The following HNF4A variants were observed in gnomAD, a reference collection of about 807,000 sequenced individuals.
The protein encoded by HNF4A is hepatocyte nuclear factor 4-alpha.
HNF4A carries 15 observed loss-of-function variants against 52.4 expected under a neutral mutation model. The observed-to-expected ratio is 0.29, with a 90% CI of 0.19 to 0.44. HNF4A has a LOEUF of 0.44. Among genes scored for constraint, HNF4A ranks in the 20% least tolerant of loss-of-function variants. The probability of loss-of-function intolerance (pLI) is 1.00; values close to 1 mark genes in which losing one functional copy is unlikely to be tolerated. For synonymous variants in HNF4A, 280 were observed against 264.4 expected, an observed-to-expected ratio of 1.06 and a Z score of -0.57; for missense variants, 479 against 647.2, an observed-to-expected ratio of 0.74 and a Z score of 2.82.
upstream of HNF4A, among the ~76,000 whole-genome samples, chr20:44,400,653 A>G (rs904387097): frequency 2.0e-5 from 3 of 152,102 alleles, no homozygotes; most frequent in Admixed American, 6.5e-5. Context: ...GGAGAGGGGC[A>G]GGGTGGGATC....
At chr20:44,363,386 G>C (rs2062937558) in intron 1 of HNF4A, among the ~76,000 whole-genome samples, 2 of 152,122 alleles carry the variant, frequency 1.3e-5, no homozygotes, top group Admixed American at 1.3e-4. Flanking sequence ...CATCATTTTG[G>C]CTGTTGTAGA....
intron 1 of HNF4A, among the ~76,000 whole-genome samples, chr20:44,373,972 G>A (rs1368168809): frequency 6.6e-6 from 1 of 152,180 alleles, no homozygotes; most frequent in Non-Finnish European, 1.5e-5. Flanking sequence ...TTACAGGTGT[G>A]AGCCACTGCA....
intron 1 of HNF4A, among the ~76,000 whole-genome samples, chr20:44,405,277 T>A (rs2063484899): frequency 6.6e-6 from 1 of 152,094 alleles, no homozygotes. Flanking sequence ...ACAAATTTTT[T>A]AAATTTTTTA....
chr20:44,390,785 G>T, intron 1 of HNF4A: 1 of 645,460 alleles, frequency 1.5e-6, no homozygotes, highest in Non-Finnish European at 2.8e-6. Flanking sequence ...TGGAGGATTT[G>T]TACCCTCATC....
Position 44,419,712 on chromosome 20 carries a change from C to T in HNF4A, c.737-9C>T. On this transcript the variant is annotated splice_polypyrimidine_tract_variant and intron_variant, in intron 6 of 9. Transcript: ENST00000316099. ...ACTTCCCATCCTCCCTCCCTCCCAA[C>T]CCTTCCAGGCAATGACTACATTGTC... The T allele has an allele frequency of 1.4e-6, 2 of 1,450,846 alleles. No homozygotes were observed. Among genetic ancestry groups the T allele is most frequent in the African/African-American group, 1.4e-5 (1 of 71,610 alleles). The allele number at this position is 1,450,846 out of a possible 1,614,324, so 89.9% of individuals were successfully genotyped here. A position where few individuals can be genotyped will look rare whatever the true frequency, so the allele number is the denominator to read the frequency against.
intron 7 of HNF4A, among the ~76,000 whole-genome samples, chr20:44,422,597 C>G (rs1018536833): frequency 4.6e-5 from 7 of 151,064 alleles, no homozygotes; most frequent in Admixed American, 4.6e-4. Flanking sequence ...AGAATTTATT[C>G]ACTGATTTTT....
At chr20:44,426,574 C>T (rs557842065) in intron 8 of HNF4A, among the ~76,000 whole-genome samples, 7 of 151,868 alleles carry the variant, frequency 4.6e-5, no homozygotes, top group Non-Finnish European at 7.4e-5. Context: ...GAGGCCGAGG[C>T]GGGTGGATCA....
intron 1 of HNF4A, among the ~76,000 whole-genome samples, chr20:44,385,270 A>C (rs2063209244): frequency 6.6e-6 from 1 of 151,218 alleles, no homozygotes; most frequent in Non-Finnish European, 1.5e-5. Context: ...GGCCTCCTTG[A>C]GGAGTTTTCA....
chr20:44,425,783 TA>T (rs2063808255), intron 8 of HNF4A, among the ~76,000 whole-genome samples: 1 of 151,576 alleles, frequency 6.6e-6, no homozygotes, highest in African/African-American at 2.4e-5. Flanking sequence ...GCCTTTCAAG[TA>T]GCTGGGACTA....
intron 1 of HNF4A, among the ~76,000 whole-genome samples, chr20:44,380,431 G>A (rs1464812303): frequency 3.3e-5 from 5 of 152,056 alleles, no homozygotes; most frequent in African/African-American, 4.8e-5. Context: ...AGTAAGCTGG[G>A]ACTACAGGTG....
At chr20:44,409,430 T>C (rs1271202653) in intron 3 of HNF4A, among the ~76,000 whole-genome samples, 1 of 152,204 alleles carries the variant, frequency 6.6e-6, no homozygotes, top group Non-Finnish European at 1.5e-5. Context: ...GATTCCATTA[T>C]CCCAAAAGCC....
At chr20:44,390,007 C>T (rs2063282355) in intron 1 of HNF4A, 1 of 152,396 alleles carries the variant, frequency 6.6e-6, no homozygotes, top group Non-Finnish European at 1.5e-5. Flanking sequence ...TGTTACTACC[C>T]ACCAGCCAGC....
intron 1 of HNF4A, chr20:44,384,468 A>G (rs1236923314): frequency 1.3e-5 from 2 of 152,152 alleles, no homozygotes; most frequent in Non-Finnish European, 2.9e-5. Context: ...TTAGCTTGCA[A>G]CCACAAAAAA....
chr20:44,389,514 A>C (rs1319042123), intron 1 of HNF4A: 1 of 152,150 alleles, frequency 6.6e-6, no homozygotes, highest in Non-Finnish European at 1.5e-5. Flanking sequence ...TTATTTGCTC[A>C]TCTGCACCCC....
intron 1 of HNF4A, among the ~76,000 whole-genome samples, chr20:44,357,243 G>A (rs952967705): frequency 1.3e-5 from 2 of 152,110 alleles, no homozygotes; most frequent in Non-Finnish European, 2.9e-5. Context: ...TGTGACCTTG[G>A]GCAAGACATT....
In HNF4A at chr20:44,412,857, G is replaced by T. The variant is rs562141496; in HGVS notation, c.386-837G>T. Among the ~76,000 whole-genome samples the T allele has an allele frequency of 6.6e-5, 10 of 152,260 alleles. No individual in the cohort carries two copies. In the East Asian group the frequency reaches 9.7e-4, roughly 15 times the overall value. On this transcript the variant is annotated intron_variant, in intron 3 of 9. Transcript: ENST00000316099. Reference sequence around the variant, plus strand: ...GCTGGCAGGGAAATGCCTACGGGTAGGGAAACTGAGCCCCAGAGAGAGGCT... The same window carrying T: ...GCTGGCAGGGAAATGCCTACGGGTATGGAAACTGAGCCCCAGAGAGAGGCT...
chr20:44,424,080 T>C lies in HNF4A; in HGVS notation c.955T>C (p.Leu319=). Residue 319 remains leucine (L), a synonymous_variant, in exon 8 of 10, where the codon TTG becomes CTG. Coordinates refer to ENST00000316099, the MANE Select transcript of HNF4A (RefSeq NM_000457.6). ...GCTGCGTTCCCAGGTGCAGGTGAGCTTGGAGGACTACATCAACGACCGCCA... is the reference window on the plus strand; with the variant it reads ...GCTGCGTTCCCAGGTGCAGGTGAGCCTGGAGGACTACATCAACGACCGCCA... 8 of 1,613,342 alleles carry C rather than the reference T, an allele frequency of 5.0e-6. No individual in the cohort carries two copies. Among genetic ancestry groups the C allele is most frequent in the Non-Finnish European group, 6.8e-6 (8 of 1,180,014 alleles).
chr20:44,377,596 C>T (rs534244105), intron 1 of HNF4A: 1 of 152,198 alleles, frequency 6.6e-6, no homozygotes, highest in South Asian at 2.1e-4. Context: ...AACCCTATCT[C>T]TATTGAAAAT....
chr20:44,414,655 A>G lies in HNF4A; in HGVS notation c.641A>G (p.Asp214Gly), dbSNP rs1159931590. 2 of 1,605,416 alleles carry G rather than the reference A, an allele frequency of 1.2e-6. No homozygotes were observed. ...CCAGCTTTCTGCGAGCTCCCCCTGG[A>G]CGACCAGGTGAGGATGGGCGTGGAT... The change falls in exon 5 of 10, where the codon GAC (aspartate) becomes GGC (glycine). Residue 214 changes from aspartate to glycine, a missense_variant. Transcript: ENST00000316099.
Sources: gnomAD v4.1 joint callset for allele counts (sites outside exome capture counted in the v4.1 genomes callset) on GRCh38, gnomAD v4.1.1 for gene constraint, MANE v1.5 for transcripts, NCBI Gene and HGNC (gene_info 2026-07-23, HGNC 2026-07-21) for gene names.